LEO1: variants seen among roughly 807,000 people sequenced by gnomAD.
The protein encoded by LEO1 is RNA polymerase-associated protein LEO1.
A neutral mutation model predicts 80.4 loss-of-function variants in LEO1; 34 were observed. That is an observed-to-expected ratio of 0.42 (90% confidence interval 0.32 to 0.56). The LOEUF (loss-of-function observed/expected upper bound fraction) is 0.56, where lower values mean the gene tolerates loss of function less well. LEO1 is among the 20% of genes least tolerant of loss of function. The pLI is 0.10. For synonymous variants in LEO1, 262 were observed against 274.9 expected, an observed-to-expected ratio of 0.95 and a Z score of 0.46; for missense variants, 631 against 814.2, an observed-to-expected ratio of 0.77 and a Z score of 2.74.
intron 2 of LEO1, among the ~76,000 whole-genome samples, chr15:51,963,438 T>C (rs530235527): frequency 1.4e-4 from 21 of 152,154 alleles, no homozygotes; most frequent in Non-Finnish European, 2.8e-4. Flanking sequence ...GGGCCAATTA[T>C]TTACGTAAAA....
intron 1 of LEO1, among the ~76,000 whole-genome samples, chr15:51,968,861 C>T (rs753835715): frequency 4.6e-5 from 7 of 152,010 alleles, no homozygotes; most frequent in Non-Finnish European, 1.0e-4. Context: ...AAACAACCTA[C>T]AGAATGGAAG....
intron 1 of LEO1, among the ~76,000 whole-genome samples, chr15:51,971,144 G>T (rs2057119636): frequency 6.6e-6 from 1 of 152,068 alleles, no homozygotes; most frequent in African/African-American, 2.4e-5. Context: ...AGCTCTTAGA[G>T]AACACATTCT....
chr15:51,949,517 T>C (rs2056929163), intron 10 of LEO1, among the ~76,000 whole-genome samples: 1 of 152,002 alleles, frequency 6.6e-6, no homozygotes, highest in East Asian at 1.9e-4. Context: ...CTGGCCAACA[T>C]GGTGAAACCC....
chr15:51,960,699 T>G lies in LEO1; in HGVS notation c.954A>C (p.Ala318=). 6.2e-7 allele frequency: 1 copy of G among 1,611,274 alleles called. No individual in the cohort carries two copies. The highest frequency in any genetic ancestry group is 1.7e-4 in the Middle Eastern group (1 of 6,054). ...CATCACTCCCTGAAGAGATATCATC[T>G]GCACCTCCAAATAAATCCATGGTTC... is the stretch of plus-strand genomic sequence containing the variant. ...NSGTMDLFGG[A]DDISSGSDGE... The change falls in exon 4 of 12, where the codon GCA becomes GCC. Residue 318 remains alanine, a synonymous_variant. Coordinates refer to ENST00000299601, the MANE Select transcript of LEO1 (RefSeq NM_138792.4).
intron 11 of LEO1, 158 bp downstream of exon 11, chr15:51,947,134 C>A: frequency 1.5e-6 from 1 of 660,228 alleles, no homozygotes; most frequent in South Asian, 1.6e-5. Context: ...AGATCCTCCT[C>A]TGGATCACTC....
intron 11 of LEO1, among the ~76,000 whole-genome samples, chr15:51,945,389 C>A (rs551786652): frequency 7.9e-5 from 12 of 152,100 alleles, no homozygotes; most frequent in South Asian, 6.2e-4. Context: ...TTCACACATG[C>A]CAGGCAGGTT....
intron 11 of LEO1, among the ~76,000 whole-genome samples, chr15:51,941,734 T>C (rs1178195128): frequency 6.6e-6 from 1 of 152,268 alleles, no homozygotes; most frequent in Non-Finnish European, 1.5e-5. Context: ...ACATTTTTCT[T>C]CTTTTTGGTA....
chr15:51,950,592 G>C (rs2056941574), intron 9 of LEO1, among the ~76,000 whole-genome samples: 1 of 152,218 alleles, frequency 6.6e-6, no homozygotes, highest in Non-Finnish European at 1.5e-5. Flanking sequence ...TTGGGGGTAG[G>C]GGTGGTGTTG....
At chr15:51,969,743 A>C (rs1307873737) in intron 1 of LEO1, among the ~76,000 whole-genome samples, 1 of 150,162 alleles carries the variant, frequency 6.7e-6, no homozygotes, top group Non-Finnish European at 1.5e-5. Flanking sequence ...TCGGGAGGTT[A>C]AGGCAGGAGA....
chr15:51,943,055 C>A (rs956650665), intron 11 of LEO1, among the ~76,000 whole-genome samples: 7 of 150,882 alleles, frequency 4.6e-5, no homozygotes, highest in Non-Finnish European at 1.5e-5. Flanking sequence ...GAGTTTGAGA[C>A]CAGCTTGGGC....
chr15:51,969,079 C>T (rs2057101558), intron 1 of LEO1, among the ~76,000 whole-genome samples: 1 of 151,978 alleles, frequency 6.6e-6, no homozygotes, highest in Non-Finnish European at 1.5e-5. Flanking sequence ...ATTCTCCTAC[C>T]TCAGCCTCCC....
At chr15:51,945,587 T>C (rs902864796) in intron 11 of LEO1, among the ~76,000 whole-genome samples, 4 of 152,204 alleles carry the variant, frequency 2.6e-5, no homozygotes, top group African/African-American at 9.7e-5. Flanking sequence ...TCTATATCGT[T>C]TTCCTGCATA....
chr15:51,964,499 T>C (rs1426617936), intron 2 of LEO1, among the ~76,000 whole-genome samples: 5 of 151,302 alleles, frequency 3.3e-5, no homozygotes, highest in African/African-American at 9.7e-5. Context: ...TGTATACCTA[T>C]GTAACAAACC....
Position 51,958,843 on chromosome 15 carries a change from A to G in LEO1, c.1161-17T>C. On this transcript the variant is annotated splice_polypyrimidine_tract_variant and intron_variant, in intron 5 of 11. Transcript: ENST00000299601. ...TCAAAAGGTCTACAAATTGTTTTCC[A>G]AATAAACTATTAATCATATTTTATA... The G allele has an allele frequency of 7.4e-7, 1 of 1,346,102 alleles. No homozygotes were observed. Among genetic ancestry groups the G allele is most frequent in the South Asian group, 1.3e-5 (1 of 78,466 alleles). The allele number at this position is 1,346,102 out of a possible 1,614,324, so 83.4% of individuals were successfully genotyped here.
chr15:51,941,462 C>T (rs1303679566), intron 11 of LEO1, among the ~76,000 whole-genome samples: 1 of 152,104 alleles, frequency 6.6e-6, no homozygotes, highest in African/African-American at 2.4e-5. Flanking sequence ...GGGGAGGCTG[C>T]CTGACATCAC....
At chr15:51,954,933 ATTTT>A (rs34049838) in intron 6 of LEO1, 33 of 140,538 alleles carry the variant, frequency 2.3e-4, no homozygotes, top group South Asian at 4.1e-4. Flanking sequence ...TGAGGCAGAA[ATTTT>A]TTTTTTTTTT....
At chr15:51,961,485 C>T (rs908701545) in intron 3 of LEO1, among the ~76,000 whole-genome samples, 4 of 151,926 alleles carry the variant, frequency 2.6e-5, no homozygotes, top group Admixed American at 1.3e-4. Context: ...CTCTGCCTCC[C>T]GAGCACAAGC....
At chr15:51,957,523 C>A (rs930209126) in intron 6 of LEO1, among the ~76,000 whole-genome samples, 3 of 152,080 alleles carry the variant, frequency 2.0e-5, no homozygotes. Context: ...ATTATTAGCA[C>A]CTGTTTATCT....
intron 11 of LEO1, among the ~76,000 whole-genome samples, chr15:51,942,166 T>C (rs1318354208): frequency 5.3e-5 from 8 of 152,130 alleles, no homozygotes; most frequent in Admixed American, 3.3e-4. Context: ...TTGTAACCCA[T>C]TACCAGGACT....
Sources: allele counts gnomAD v4.1 joint callset (sites outside exome capture counted in the v4.1 genomes callset), GRCh38; gene constraint gnomAD v4.1.1; transcripts MANE v1.5; gene names NCBI Gene and HGNC (gene_info 2026-07-23, HGNC 2026-07-21).